Variants in AARD observed in about 807,000 individuals in gnomAD.
AARD encodes the protein alanine- and arginine-rich domain-containing protein.
Under a neutral mutation model 9.3 loss-of-function variants are expected in AARD, and 9 were observed. The observed-to-expected ratio is 0.97, with a 90% CI of 0.58 to 1.69. The LOEUF (loss-of-function observed/expected upper bound fraction) is 1.69. Among genes scored for constraint, AARD ranks in the 40% most tolerant of loss-of-function variants. AARD has a pLI of 0.00. For missense variants in AARD, 236 were observed against 210.3 expected (o/e 1.12, Z -0.76); for synonymous variants, 91 against 93.8 (o/e 0.97, Z 0.17).
Position 116,938,312 on chromosome 8 carries a change from A to G in AARD, c.69A>G (p.Arg23=). ...AGGGGCTCCAGGGACTCCCAGGTAG[A>G]GCGGAGCTTTGGTTCCCACCTCGTC... ...ISQGLQGLPG[R]AELWFPPRPA... The change falls in exon 1 of 2, where the codon AGA becomes AGG. Residue 23 remains arginine (R), a synonymous_variant. Coordinates refer to ENST00000378279, the MANE Select transcript of AARD (RefSeq NM_001025357.3). The G allele has an allele frequency of 1.2e-6, 2 of 1,612,160 alleles. No individual in the cohort carries two copies. The highest frequency in any genetic ancestry group is 1.7e-6 in the Non-Finnish European group (2 of 1,179,584).
In AARD at chr8:116,943,657, A is replaced by C. The variant is rs1227184957; in HGVS notation, c.*956A>C. On this transcript the variant is annotated 3_prime_UTR_variant, in exon 2 of 2. Coordinates refer to ENST00000378279, the MANE Select transcript of AARD (RefSeq NM_001025357.3). ...ACCATGTGAGAAAGCCCACACCCTA[A>C]TGGAGGTGACTGAAACGGAACCACT... 7.1e-6 allele frequency: 1 copy of C among 140,078 alleles called. No individual in the cohort carries two copies. The highest frequency in any genetic ancestry group is 2.5e-4 in the East Asian group (1 of 3,956). The allele number at this position is 140,078 out of a possible 1,614,324, so 8.7% of individuals were successfully genotyped here.
At chr8:116,939,398 G>A (rs755810060) in intron 1 of AARD, among the ~76,000 whole-genome samples, 13 of 152,198 alleles carry the variant, frequency 8.5e-5, no homozygotes, top group African/African-American at 2.9e-4. Context: ...TTGGGAGGCC[G>A]AGGCAAGTGG....
chr8:116,941,481 C>A (rs1033692392), intron 1 of AARD, among the ~76,000 whole-genome samples: 1 of 152,166 alleles, frequency 6.6e-6, no homozygotes, highest in African/African-American at 2.4e-5. Flanking sequence ...CTGGGCCACC[C>A]TAGAGAGCTG....
Position 116,938,216 on chromosome 8 carries a change from G to A in AARD, c.-28G>A, listed in dbSNP as rs749726432. 2 of 1,425,336 alleles carry A rather than the reference G, an allele frequency of 1.4e-6. No homozygotes were observed. Among genetic ancestry groups the A allele is most frequent in the African/African-American group, 1.5e-5 (1 of 67,484 alleles). 88.3% of individuals were successfully genotyped at this position (1,425,336 alleles called of 1,614,324 possible). ...TAGAAACTCATCTTTCAGCAGCAGCGGTAGAGCAGTGACCAGGCGTCTCCG... is the reference window on the plus strand; with the variant it reads ...TAGAAACTCATCTTTCAGCAGCAGCAGTAGAGCAGTGACCAGGCGTCTCCG... On this transcript the variant is annotated 5_prime_UTR_variant, in exon 1 of 2. Coordinates refer to ENST00000378279, the MANE Select transcript of AARD (RefSeq NM_001025357.3).
chr8:116,938,765 G>A (rs1813709767), intron 1 of AARD, 198 bp downstream of exon 1: 2 of 759,010 alleles, frequency 2.6e-6, no homozygotes, highest in South Asian at 2.8e-5. Flanking sequence ...GGGGGGTGGG[G>A]GCGGGGGTGC....
Position 116,942,714 on chromosome 8 carries a change from G to T in AARD, c.*13G>T, listed in dbSNP as rs536106214. ...GAATCCGGAATAAAGAAATGCACAC[G>T]CAAGGGCTGGGCGCGGTGGCTCACG... On this transcript the variant is annotated 3_prime_UTR_variant, in exon 2 of 2. Transcript: ENST00000378279. 18 of 1,610,924 alleles carry T rather than the reference G, an allele frequency of 1.1e-5. No homozygotes were observed. In the South Asian group the frequency reaches 1.2e-4, roughly 11 times the overall value.
chr8:116,938,751 T>A (rs1201635262), intron 1 of AARD, 184 bp downstream of exon 1: 2 of 856,206 alleles, frequency 2.3e-6, no homozygotes, highest in South Asian at 5.2e-5. Flanking sequence ...GCAGGACCCA[T>A]GGTGGGGGGT....
In AARD at chr8:116,943,656, A is replaced by G. The variant is rs1268600773; in HGVS notation, c.*955A>G. On this transcript the variant is annotated 3_prime_UTR_variant, in exon 2 of 2. Coordinates refer to ENST00000378279, the MANE Select transcript of AARD (RefSeq NM_001025357.3). ...CACCATGTGAGAAAGCCCACACCCT[A>G]ATGGAGGTGACTGAAACGGAACCAC... 3 of 144,544 alleles carry G rather than the reference A, an allele frequency of 2.1e-5. No individual in the cohort carries two copies. Among genetic ancestry groups the G allele is most frequent in the African/African-American group, 5.0e-5 (2 of 40,144 alleles). The allele number at this position is 144,544 out of a possible 1,614,324, so 9.0% of individuals were successfully genotyped here.
intron 1 of AARD, among the ~76,000 whole-genome samples, chr8:116,940,858 C>T (rs1465362413): frequency 1.3e-4 from 20 of 152,114 alleles, no homozygotes; most frequent in Admixed American, 1.3e-3. Context: ...GGGTTCATAA[C>T]TTTCATCAGA....
At chr8:116,941,613 G>T (rs541648067) in intron 1 of AARD, among the ~76,000 whole-genome samples, 8 of 152,320 alleles carry the variant, frequency 5.3e-5, no homozygotes. Context: ...TCAGAAAAAT[G>T]ATTCTAGGTG....
Position 116,938,494 on chromosome 8 carries a change from C to A in AARD, c.251C>A (p.Ala84Glu). The A allele has an allele frequency of 6.5e-7, 1 of 1,536,840 alleles. No homozygotes were observed. The highest frequency in any genetic ancestry group is 8.7e-7 in the Non-Finnish European group (1 of 1,146,738). Residue 84 changes from alanine (A) to glutamate (E), a missense_variant, in exon 1 of 2, where the codon GCG becomes GAG. Ala to Glu is a moderately radical substitution (Grantham distance 107). Coordinates refer to ENST00000378279, the MANE Select transcript of AARD (RefSeq NM_001025357.3). ...TCGAGGCGCGTGCAGGAGGCGGCGG[C>A]GGCGGCGGCGGCGCGGGAGGAGCAG... ...AISRRVQEAAAAAAAREEQSW... is the reference protein window; with the variant it reads ...AISRRVQEAAEAAAAREEQSW...
At chr8:116,940,064 G>A (rs555675094) in intron 1 of AARD, among the ~76,000 whole-genome samples, 3 of 152,314 alleles carry the variant, frequency 2.0e-5, no homozygotes, top group African/African-American at 7.2e-5. Context: ...AATCTCACGA[G>A]ATCGGGTGCG....
In AARD at chr8:116,938,540, C is replaced by T. The variant is rs1267602397; in HGVS notation, c.297C>T (p.Ala99=). ...AGCAGAGCTGGACGGGCGTTGAGGCCACCCTGGCCAGGCTGCGGGCGGAGC... is the reference window on the plus strand; with the variant it reads ...AGCAGAGCTGGACGGGCGTTGAGGCTACCCTGGCCAGGCTGCGGGCGGAGC... The part of the protein sequence containing the change: ...REEQSWTGVE[A]TLARLRAELV... Residue 99 remains alanine (A), a synonymous_variant, in exon 1 of 2, where the codon GCC becomes GCT. Transcript: ENST00000378279. 2.1e-6 allele frequency: 3 copies of T among 1,451,878 alleles called. No homozygotes were observed. The highest frequency in any genetic ancestry group is 2.4e-4 in the Middle Eastern group (1 of 4,246). 89.9% of individuals were successfully genotyped at this position (1,451,878 alleles called of 1,614,324 possible).
In AARD at chr8:116,938,468, C is replaced by T. The variant is rs763439469; in HGVS notation, c.225C>T (p.Ile75=). 5.3e-5 allele frequency: 85 copies of T among 1,589,374 alleles called. No individual in the cohort carries two copies. Among genetic ancestry groups the T allele is most frequent in the Non-Finnish European group, 7.2e-5 (84 of 1,169,660 alleles). Residue 75 remains isoleucine (I), a synonymous_variant, in exon 1 of 2, where the codon ATC becomes ATT. Coordinates refer to ENST00000378279, the MANE Select transcript of AARD (RefSeq NM_001025357.3). The stretch of plus-strand genomic sequence containing the variant: ...TCCAGTGGGCGGTGCAGCGCGCGAT[C>T]TCGAGGCGCGTGCAGGAGGCGGCGG... ...RAFQWAVQRA[I]SRRVQEAAAA...
chr8:116,940,076 T>G (rs1362840669), intron 1 of AARD, among the ~76,000 whole-genome samples: 1 of 152,152 alleles, frequency 6.6e-6, no homozygotes, highest in East Asian at 1.9e-4. Context: ...TCGGGTGCGT[T>G]CAGGGTGGTA....
chr8:116,938,378 C>G lies in AARD; in HGVS notation c.135C>G (p.Ile45Met). 1 of 1,612,688 alleles carries G rather than the reference C, an allele frequency of 6.2e-7. No individual in the cohort carries two copies. Among genetic ancestry groups the G allele is most frequent in the East Asian group, 2.2e-5 (1 of 44,838 alleles). ...TCGGGGACGGCAGGAGCACGGACATCCAGGAGGAGGCCCTCGCCGCCAGCC... is the reference window on the plus strand; with the variant it reads ...TCGGGGACGGCAGGAGCACGGACATGCAGGAGGAGGCCCTCGCCGCCAGCC... ...DFFGDGRSTD[I>M]QEEALAASPL... Residue 45 changes from isoleucine (I) to methionine (M), a missense_variant, in exon 1 of 2, where the codon ATC becomes ATG. Coordinates refer to ENST00000378279, the MANE Select transcript of AARD (RefSeq NM_001025357.3).
rs955658908 is a variant in AARD at position 116,942,780 on chromosome 8, C to G, written c.*79C>G. 6.6e-5 allele frequency: 95 copies of G among 1,436,698 alleles called. No homozygotes were observed. Among genetic ancestry groups the G allele is most frequent in the Non-Finnish European group, 9.0e-5 (94 of 1,048,992 alleles). The allele number at this position is 1,436,698 out of a possible 1,614,324, so 89.0% of individuals were successfully genotyped here. A position where few individuals can be genotyped will look rare whatever the true frequency, so the allele number is the denominator to read the frequency against. The stretch of plus-strand genomic sequence containing the variant: ...CTTTGGGAGGCCGAGGCGGGCGGAT[C>G]AAGACGTCAGGAGATTGAGACCATC... On this transcript the variant is annotated 3_prime_UTR_variant, in exon 2 of 2. Transcript: ENST00000378279.
chr8:116,939,542 G>T (rs746553396), intron 1 of AARD, among the ~76,000 whole-genome samples: 2 of 152,224 alleles, frequency 1.3e-5, no homozygotes, highest in Non-Finnish European at 2.9e-5. Flanking sequence ...TGATGCAGGA[G>T]AATCGCTTGA....
intron 1 of AARD, 144 bp from the exon 2 acceptor site, chr8:116,942,414 G>A: frequency 1.3e-6 from 1 of 758,044 alleles, no homozygotes. Flanking sequence ...AGTTAAAACT[G>A]GAGAATAAGA....
Sources: allele counts gnomAD v4.1 joint callset (sites outside exome capture counted in the v4.1 genomes callset), GRCh38; gene constraint gnomAD v4.1.1; transcripts MANE v1.5; gene names NCBI Gene and HGNC (gene_info 2026-07-23, HGNC 2026-07-21).